Variants in FA2H observed in about 807,000 individuals in gnomAD.
FA2H encodes the protein fatty acid alpha-hydroxylase.
Under a neutral mutation model 44.9 loss-of-function variants are expected in FA2H, and 22 were observed. The ratio of observed to expected loss-of-function variants is 0.49; its 90% CI spans 0.35 to 0.70. The LOEUF is 0.70. Ranked by LOEUF, FA2H falls within the 30% of genes least tolerant of loss-of-function variation. The pLI, the probability that FA2H is intolerant of heterozygous loss-of-function variation, is 0.01. For missense variants in FA2H, 501 were observed against 504.9 expected, an observed-to-expected ratio of 0.99 and a Z score of 0.07; for synonymous variants, 243 against 213.2, an observed-to-expected ratio of 1.14 and a Z score of -1.22.
chr16:74,737,210 G>A (rs1240940826), intron 2 of FA2H, among the ~76,000 whole-genome samples: 1 of 152,104 alleles, frequency 6.6e-6, no homozygotes, highest in African/African-American at 2.4e-5. Context: ...ATGGCGAAGT[G>A]GCAAAAAGAG....
chr16:74,742,175 T>C (rs557209489), intron 1 of FA2H, among the ~76,000 whole-genome samples: 15 of 152,304 alleles, frequency 9.8e-5, no homozygotes, highest in African/African-American at 3.6e-4. Flanking sequence ...GCTGGGTCTC[T>C]GCAAGCAGCC....
At chr16:74,756,092 C>G (rs1331051738) in intron 1 of FA2H, among the ~76,000 whole-genome samples, 1 of 152,200 alleles carries the variant, frequency 6.6e-6, no homozygotes, top group Non-Finnish European at 1.5e-5. Context: ...GTTTGAGATT[C>G]AAGTGGCTTT....
chr16:74,774,456 T>G lies in FA2H; in HGVS notation c.270+30A>C, dbSNP rs1480710539. On this transcript the variant is annotated intron_variant, in intron 1 of 6. Coordinates refer to ENST00000219368, the MANE Select transcript of FA2H (RefSeq NM_024306.5). The stretch of plus-strand genomic sequence containing the variant: ...AGTGGAAGGCTGACGGAGGCCTGGG[T>G]TGGGGTGGGGGGCCCCGGCCCGGCT... 5.4e-6 allele frequency: 8 copies of G among 1,493,630 alleles called. No individual in the cohort carries two copies. In the East Asian group the frequency reaches 1.8e-4, roughly 34 times the overall value. 92.5% of individuals were successfully genotyped at this position (1,493,630 alleles called of 1,614,324 possible). A position where few individuals can be genotyped will look rare whatever the true frequency, so the allele number is the denominator to read the frequency against.
At chr16:74,721,316 C>T (rs144354868) in intron 4 of FA2H, among the ~76,000 whole-genome samples, 324 of 152,116 alleles carry the variant, frequency 2.1e-3, no homozygotes, top group African/African-American at 7.4e-3. Flanking sequence ...TATAGGTGTG[C>T]GCCACCATGC....
At chr16:74,744,873 A>G (rs984101347) in intron 1 of FA2H, among the ~76,000 whole-genome samples, 1 of 152,174 alleles carries the variant, frequency 6.6e-6, no homozygotes, top group African/African-American at 2.4e-5. Context: ...GGTGTGAACC[A>G]CCACGCCTGG....
At chr16:74,727,678 T>C (rs1961988731) in intron 2 of FA2H, among the ~76,000 whole-genome samples, 1 of 152,190 alleles carries the variant, frequency 6.6e-6, no homozygotes, top group African/African-American at 2.4e-5. Context: ...TGAGCCTGGA[T>C]TTACTAGCAG....
intron 2 of FA2H, 122 bp from the exon 3 acceptor site, chr16:74,727,508 G>GGCC: frequency 5.8e-6 from 6 of 1,042,188 alleles, no homozygotes; most frequent in Non-Finnish European, 8.8e-6. Context: ...TCTGTGTGGG[G>GGCC]CCACCCACCC....
intron 4 of FA2H, among the ~76,000 whole-genome samples, chr16:74,722,632 G>T (rs959037640): frequency 6.6e-6 from 1 of 152,104 alleles, no homozygotes; most frequent in Non-Finnish European, 1.5e-5. Flanking sequence ...TGTCTTCTGG[G>T]CCGGATGCAG....
intron 2 of FA2H, among the ~76,000 whole-genome samples, chr16:74,730,432 C>T (rs181589939): frequency 1.3e-5 from 2 of 152,350 alleles, no homozygotes; most frequent in East Asian, 1.9e-4. Flanking sequence ...CTAGTCGCTG[C>T]TCCCTTCCTT....
chr16:74,728,064 G>A (rs1330130465), intron 2 of FA2H, among the ~76,000 whole-genome samples: 1 of 152,138 alleles, frequency 6.6e-6, no homozygotes, highest in Admixed American at 6.6e-5. Context: ...AAATCCATTT[G>A]CCATTTACTG....
chr16:74,768,079 AC>A (rs1481830796), intron 1 of FA2H, among the ~76,000 whole-genome samples: 2 of 152,212 alleles, frequency 1.3e-5, no homozygotes, highest in Non-Finnish European at 2.9e-5. Flanking sequence ...CTACATACAG[AC>A]CAATGAGGAG....
chr16:74,721,514 A>G (rs1961839450), intron 4 of FA2H, among the ~76,000 whole-genome samples: 1 of 152,032 alleles, frequency 6.6e-6, no homozygotes, highest in Non-Finnish European at 1.5e-5. Flanking sequence ...ACCTGCACCC[A>G]TGAACCCTCA....
intron 4 of FA2H, among the ~76,000 whole-genome samples, chr16:74,723,259 C>T (rs1359536229): frequency 6.6e-6 from 1 of 152,200 alleles, no homozygotes; most frequent in Non-Finnish European, 1.5e-5. Flanking sequence ...CATAGCTCCC[C>T]CTTCTGCCTG....
chr16:74,755,939 C>G (rs566306860), intron 1 of FA2H, among the ~76,000 whole-genome samples: 1 of 152,316 alleles, frequency 6.6e-6, no homozygotes, highest in South Asian at 2.1e-4. Context: ...CAGCCAATGC[C>G]CAAATCAAGA....
In FA2H at chr16:74,774,143, G is replaced by T. The variant is rs149081838; in HGVS notation, c.270+343C>A. On this transcript the variant is annotated intron_variant, in intron 1 of 6. Coordinates refer to ENST00000219368, the MANE Select transcript of FA2H (RefSeq NM_024306.5). ...AGTGAAGAGGAAGGAAAGCCGAGGCGTATGGGGGGCTGGGGACAGAAACGG... is the reference window on the plus strand; with the variant it reads ...AGTGAAGAGGAAGGAAAGCCGAGGCTTATGGGGGGCTGGGGACAGAAACGG... 3.3e-5 allele frequency among the ~76,000 whole-genome samples: 5 copies of T among 152,246 alleles called. No individual in the cohort carries two copies. In the East Asian group the frequency reaches 7.8e-4, roughly 24 times the overall value.
chr16:74,745,204 AG>A (rs1239411574), intron 1 of FA2H, among the ~76,000 whole-genome samples: 2 of 152,194 alleles, frequency 1.3e-5, no homozygotes, highest in Non-Finnish European at 2.9e-5. Flanking sequence ...TTGAGTGGCA[AG>A]GGGGCACCTG....
Position 74,740,921 on chromosome 16 carries a change from GAA to G in FA2H, c.271-808_271-807del, listed in dbSNP as rs549949639. 3.7e-3 allele frequency among the ~76,000 whole-genome samples: 557 copies of G among 152,286 alleles called. 11 individuals carry two copies. Among genetic ancestry groups the G allele is most frequent in the Non-Finnish European group, 3.1e-3 (212 of 68,018 alleles). ...TCTAGGGCCACATACCCACAAGAAA[GAA>G]AGGCAGCAGGGAGCGAGGGAGGCTG... On this transcript the variant is annotated intron_variant, in intron 1 of 6. Coordinates refer to ENST00000219368, the MANE Select transcript of FA2H (RefSeq NM_024306.5).
intron 2 of FA2H, among the ~76,000 whole-genome samples, chr16:74,732,922 C>A (rs759005332): frequency 1.3e-5 from 2 of 152,194 alleles, no homozygotes; most frequent in Non-Finnish European, 2.9e-5. Flanking sequence ...GTGGTGGGAA[C>A]AGAGCCCCAG....
At chr16:74,721,980 A>G (rs540808466) in intron 4 of FA2H, among the ~76,000 whole-genome samples, 4 of 152,144 alleles carry the variant, frequency 2.6e-5, no homozygotes, top group African/African-American at 9.6e-5. Flanking sequence ...ATTACTTCCT[A>G]TTTCATCTCA....
Sources: allele counts gnomAD v4.1 joint callset (sites outside exome capture counted in the v4.1 genomes callset), GRCh38; gene constraint gnomAD v4.1.1; transcripts MANE v1.5; gene names NCBI Gene and HGNC (gene_info 2026-07-23, HGNC 2026-07-21).